NUF2: variants seen among roughly 807,000 people sequenced by gnomAD.
NUF2 encodes the protein NUF2 component of NDC80 kinetochore complex, also known as kinetochore protein Nuf2.
Under a neutral mutation model 61.8 loss-of-function variants are expected in NUF2, and 34 were observed. That is an observed-to-expected ratio of 0.55 (90% CI 0.42 to 0.73). The LOEUF is 0.73. NUF2 is among the 30% of genes least tolerant of loss of function. NUF2 has a pLI of 0.00. For missense variants in NUF2, 445 were observed against 539.1 expected, an observed-to-expected ratio of 0.83 and a Z score of 1.73; for synonymous variants, 172 against 181.6, an observed-to-expected ratio of 0.95 and a Z score of 0.42.
chr1:163,337,237 C>T (rs1462885075), intron 6 of NUF2, among the ~76,000 whole-genome samples: 1 of 151,978 alleles, frequency 6.6e-6, no homozygotes, highest in Non-Finnish European at 1.5e-5. Context: ...TAAATAATGG[C>T]ATAATTGGAC....
chr1:163,332,389 G>A (rs1417181021), intron 5 of NUF2, among the ~76,000 whole-genome samples: 1 of 151,920 alleles, frequency 6.6e-6, no homozygotes, highest in Non-Finnish European at 1.5e-5. Context: ...TTATTTTATG[G>A]CCCAGAATAT....
intron 5 of NUF2, among the ~76,000 whole-genome samples, chr1:163,335,894 T>A (rs1303697400): frequency 2.0e-5 from 3 of 152,202 alleles, no homozygotes; most frequent in Admixed American, 6.5e-5. Context: ...GTAATTTTTA[T>A]TTCAGGTATT....
intron 13 of NUF2, among the ~76,000 whole-genome samples, chr1:163,353,528 AT>A (rs1651394035): frequency 6.6e-6 from 1 of 152,208 alleles, no homozygotes. Flanking sequence ...ATTAAATTTT[AT>A]TAAATTTAAA....
At chr1:163,354,744 ATAT>A (rs747314211) in intron 13 of NUF2, among the ~76,000 whole-genome samples, 1 of 152,090 alleles carries the variant, frequency 6.6e-6, no homozygotes, top group Admixed American at 6.6e-5. Flanking sequence ...AGGAGGATCA[ATAT>A]TATATTTGAC....
At chr1:163,340,230 G>A (rs78023909) in intron 8 of NUF2, 134 bp from the exon 9 acceptor site, 12,350 of 670,996 alleles carry the variant, frequency 0.018, 140 homozygotes, top group Non-Finnish European at 0.025. Flanking sequence ...GGAGCATCAT[G>A]AACAGAGAAA....
intron 13 of NUF2, among the ~76,000 whole-genome samples, chr1:163,351,619 G>T (rs1651322312): frequency 6.6e-6 from 1 of 152,078 alleles, no homozygotes; most frequent in South Asian, 2.1e-4. Context: ...TAGAACTATT[G>T]ATCAAAACTT....
chr1:163,351,195 C>G (rs1651304731), intron 13 of NUF2, among the ~76,000 whole-genome samples: 1 of 152,164 alleles, frequency 6.6e-6, no homozygotes, highest in Admixed American at 6.5e-5. Context: ...TAAACACAGT[C>G]TTCCAAAATA....
chr1:163,328,320 T>C lies in NUF2; in HGVS notation c.275+16T>C, dbSNP rs754644739. The C allele has an allele frequency of 6.7e-7, 1 of 1,481,816 alleles. No homozygotes were observed. The highest frequency in any genetic ancestry group is 1.8e-5 in the Admixed American group (1 of 56,724). 91.8% of individuals were successfully genotyped at this position (1,481,816 alleles called of 1,614,324 possible). A position where few individuals can be genotyped will look rare whatever the true frequency, so the allele number is the denominator to read the frequency against. On this transcript the variant is annotated intron_variant, in intron 4 of 13. Coordinates refer to ENST00000271452, the MANE Select transcript of NUF2 (RefSeq NM_145697.3). The stretch of plus-strand genomic sequence containing the variant: ...TTACTCATCTGTGAGTAAAGAGTGA[T>C]TTTATTGTCTTCGTCTACATTCGTA...
intron 2 of NUF2, among the ~76,000 whole-genome samples, chr1:163,327,178 C>T (rs1248854005): frequency 6.6e-6 from 1 of 151,868 alleles, no homozygotes; most frequent in Non-Finnish European, 1.5e-5. Flanking sequence ...ACATGCCTGA[C>T]AGCCTGTTCT....
Position 163,343,870 on chromosome 1 carries a change from A to T in NUF2, c.807A>T (p.Arg269Ser), listed in dbSNP as rs372189646. The change falls in exon 10 of 14, where the codon AGA becomes AGT. Residue 269 changes from arginine (R) to serine (S), a missense_variant and splice_region_variant. Coordinates refer to ENST00000271452, the MANE Select transcript of NUF2 (RefSeq NM_145697.3). ...CGGTCCAGAAGCTTAAAAATGCCAG[A>T]GTGAGTTTTCTTTTTATTTTAATGC... ...KDTVQKLKNARQEVVEKYEIY... is the reference protein window; with the variant it reads ...KDTVQKLKNASQEVVEKYEIY... The T allele has an allele frequency of 5.8e-6, 8 of 1,389,128 alleles. No homozygotes were observed. In the African/African-American group the frequency reaches 1.2e-4, roughly 21 times the overall value. The allele number at this position is 1,389,128 out of a possible 1,614,324, so 86.1% of individuals were successfully genotyped here. A position where few individuals can be genotyped will look rare whatever the true frequency, so the allele number is the denominator to read the frequency against.
chr1:163,327,111 C>A (rs762704052), intron 2 of NUF2, among the ~76,000 whole-genome samples: 3,921 of 34,538 alleles, frequency 0.11, 109 homozygotes, highest in South Asian at 0.19. Context: ...CACACACACA[C>A]ACACACACAC....
chr1:163,353,312 CATGGATA>C (rs1651386039), intron 13 of NUF2, among the ~76,000 whole-genome samples: 2 of 152,226 alleles, frequency 1.3e-5, no homozygotes, highest in South Asian at 4.1e-4. Context: ...TGTAAGACTC[CATGGATA>C]GTGTATAGTC....
At chr1:163,336,282 T>C (rs549743148) in intron 5 of NUF2, among the ~76,000 whole-genome samples, 2 of 152,312 alleles carry the variant, frequency 1.3e-5, no homozygotes, top group East Asian at 3.9e-4. Context: ...TGCTTTGGCT[T>C]CTGCAAACTC....
chr1:163,345,104 G>T (rs1651079101), intron 10 of NUF2, among the ~76,000 whole-genome samples: 1 of 151,972 alleles, frequency 6.6e-6, no homozygotes, highest in Admixed American at 6.6e-5. Flanking sequence ...CAGGTAGAGG[G>T]ATTATATCCA....
At chr1:163,353,127 T>C (rs970142762) in intron 13 of NUF2, among the ~76,000 whole-genome samples, 4 of 152,226 alleles carry the variant, frequency 2.6e-5, no homozygotes, top group African/African-American at 9.6e-5. Context: ...TTGCACTAGC[T>C]ATATTTCAGG....
chr1:163,347,651 G>A lies in NUF2; in HGVS notation c.949-112G>A. The A allele has an allele frequency of 3.9e-6, 3 of 775,214 alleles. No individual in the cohort carries two copies. The South Asian group carries it at 8.1e-5, about 21-fold the overall frequency. The allele number at this position is 775,214 out of a possible 1,614,324, so 48.0% of individuals were successfully genotyped here. On this transcript the variant is annotated intron_variant, in intron 11 of 13. Coordinates refer to ENST00000271452, the MANE Select transcript of NUF2 (RefSeq NM_145697.3). ...GGACTTTCAGGTTTTAAAGAGTTTT[G>A]TCTCTTTTTAAATTTGTGTTTAATT...
At position 163,343,788 on chromosome 1, in the gene NUF2, CA is replaced by C; in HGVS notation, c.730del (p.Ile244LeufsTer8). ...SLKEIQESLK[T>X]KIVDSPEKLK... ...AAAGAAATACAAGAGAGTTTGAAAA[CA>C]AAAATTGTGGATTCTCCAGAGAAGT... On this transcript the variant is annotated frameshift_variant, in exon 10 of 14. Coordinates refer to ENST00000271452, the MANE Select transcript of NUF2 (RefSeq NM_145697.3). LOFTEE classifies it high-confidence loss of function. 4 of 1,449,144 alleles carry C rather than the reference CA, an allele frequency of 2.8e-6. No individual in the cohort carries two copies. The Admixed American group carries it at 7.4e-5, about 27-fold the overall frequency. The allele number at this position is 1,449,144 out of a possible 1,614,324, so 89.8% of individuals were successfully genotyped here. A position where few individuals can be genotyped will look rare whatever the true frequency, so the allele number is the denominator to read the frequency against.
intron 13 of NUF2, among the ~76,000 whole-genome samples, chr1:163,354,985 T>C (rs1460687631): frequency 6.6e-6 from 1 of 152,028 alleles, no homozygotes; most frequent in Non-Finnish European, 1.5e-5. Context: ...ATGCAGAGAG[T>C]ATAGTTATCC....
Position 163,355,321 on chromosome 1 carries a change from C to G in NUF2, c.1261-14C>G, listed in dbSNP as rs753128320. ...GCATGGAATAATTATTATTCTGTTT[C>G]ATTTTCTACTTAGGAAATATTTCTA... is the stretch of plus-strand genomic sequence containing the variant. On this transcript the variant is annotated splice_polypyrimidine_tract_variant and intron_variant, in intron 13 of 13. Transcript: ENST00000271452. 6.3e-7 allele frequency: 1 copy of G among 1,580,600 alleles called. No individual in the cohort carries two copies. Among genetic ancestry groups the G allele is most frequent in the Non-Finnish European group, 8.6e-7 (1 of 1,162,128 alleles).
Sources: gnomAD v4.1 joint callset for allele counts (sites outside exome capture counted in the v4.1 genomes callset) on GRCh38, gnomAD v4.1.1 for gene constraint, MANE v1.5 for transcripts, NCBI Gene and HGNC (gene_info 2026-07-23, HGNC 2026-07-21) for gene names.